The following CHN2 variants were observed in gnomAD, a reference collection of about 807,000 sequenced individuals.
CHN2 encodes chimerin 2, also known as beta-chimaerin.
CHN2 carries 35 observed loss-of-function variants against 56.3 expected under a neutral mutation model. The ratio of observed to expected loss-of-function variants is 0.62; its 90% confidence interval spans 0.47 to 0.82. The LOEUF is 0.82. Ranked by LOEUF, CHN2 falls within the 40% of genes least tolerant of loss-of-function variation. The probability of loss-of-function intolerance (pLI) is 0.00; values close to 1 mark genes in which losing one functional copy is unlikely to be tolerated. For synonymous variants in CHN2, 210 were observed against 212.8 expected (o/e 0.99, Z 0.12); for missense variants, 491 against 580.5 (o/e 0.85, Z 1.58).
At chr7:29,187,735 TAAAAATA>T (rs747116867) in intron 2 of CHN2, among the ~76,000 whole-genome samples, 2 of 151,526 alleles carry the variant, frequency 1.3e-5, no homozygotes, top group Non-Finnish European at 2.9e-5. Flanking sequence ...TCTCAAAAAA[TAAAAATA>T]AAAAATAAAA....
chr7:29,379,226 C>T (rs1275611582), intron 3 of CHN2, among the ~76,000 whole-genome samples: 1 of 152,200 alleles, frequency 6.6e-6, no homozygotes, highest in East Asian at 1.9e-4. Context: ...CGCAGGTGTT[C>T]TTTGACCTTC....
Position 29,248,599 on chromosome 7 carries a change from G to A in CHN2, c.49+53609G>A, listed in dbSNP as rs890778148. Among the ~76,000 whole-genome samples, 4 of 152,210 alleles carry A rather than the reference G, an allele frequency of 2.6e-5. No individual in the cohort carries two copies. In the East Asian group the frequency reaches 7.7e-4, roughly 29 times the overall value. ...ATCGTGTCATCGCACTATCCGCAGA[G>A]CTCTGGTGGTTCCCTCCCTCTTAAG... is the stretch of plus-strand genomic sequence containing the variant. On this transcript the variant is annotated intron_variant, in intron 1 of 12. Transcript: ENST00000222792.
chr7:29,398,466 A>G lies in CHN2; in HGVS notation c.270A>G (p.Gly90=), dbSNP rs1801941601. 3.7e-6 allele frequency: 6 copies of G among 1,612,028 alleles called. No individual in the cohort carries two copies. Among genetic ancestry groups the G allele is most frequent in the Non-Finnish European group, 3.4e-6 (4 of 1,178,838 alleles). ...TTAGAGAAAGCCAGCGGCAACCAGGATGCTACACGCTGGCTCTCAGGTGAG... is the reference window on the plus strand; with the variant it reads ...TTAGAGAAAGCCAGCGGCAACCAGGGTGCTACACGCTGGCTCTCAGGTGAG... ...YILRESQRQP[G]CYTLALRFGN... is the part of the protein sequence containing the mutation. Residue 90 remains glycine (G), a synonymous_variant, in exon 5 of 13, where the codon GGA becomes GGG. Transcript: ENST00000222792.
intron 1 of CHN2, among the ~76,000 whole-genome samples, chr7:29,217,356 A>AC (rs1785424962): frequency 6.6e-6 from 1 of 152,220 alleles, no homozygotes; most frequent in Non-Finnish European, 1.5e-5. Flanking sequence ...CCTTAGCTTC[A>AC]GCAGCCTATC....
intron 6 of CHN2, among the ~76,000 whole-genome samples, chr7:29,431,137 G>A (rs1782832944): frequency 6.6e-6 from 1 of 152,160 alleles, no homozygotes; most frequent in African/African-American, 2.4e-5. Context: ...AAGTGCAACT[G>A]TCCAATTAAA....
In CHN2 at chr7:29,393,728, C is replaced by A; in HGVS notation, c.176+18C>A. 1 of 799,124 alleles carries A rather than the reference C, an allele frequency of 1.3e-6. No individual in the cohort carries two copies. Among genetic ancestry groups the A allele is most frequent in the South Asian group, 1.7e-5 (1 of 59,182 alleles). 49.5% of individuals were successfully genotyped at this position (799,124 alleles called of 1,614,324 possible). A position where few individuals can be genotyped will look rare whatever the true frequency, so the allele number is the denominator to read the frequency against. On this transcript the variant is annotated intron_variant, in intron 4 of 12. Transcript: ENST00000222792. ...GGAAGAGAGTATGTATTATACTATTCTTTGTTTTAATAATTTAATAAGTAG... is the reference window on the plus strand; with the variant it reads ...GGAAGAGAGTATGTATTATACTATTATTTGTTTTAATAATTTAATAAGTAG...
chr7:29,147,655 G>T (rs868296334), intron 2 of CHN2, among the ~76,000 whole-genome samples: 14 of 152,238 alleles, frequency 9.2e-5, no homozygotes, highest in South Asian at 6.2e-4. Flanking sequence ...CCATATGGAA[G>T]TACTTCCTAC....
At chr7:29,297,343 A>G (rs1793250312) in intron 1 of CHN2, among the ~76,000 whole-genome samples, 1 of 152,176 alleles carries the variant, frequency 6.6e-6, no homozygotes, top group South Asian at 2.1e-4. Context: ...GAAGAAGTCC[A>G]TCTGACTGCA....
intron 11 of CHN2, 106 bp downstream of exon 11, chr7:29,507,471 C>T (rs1790710331): frequency 1.2e-6 from 1 of 859,558 alleles, no homozygotes; most frequent in Non-Finnish European, 1.8e-6. Context: ...TGCATTTGTG[C>T]CTGTCTTGTC....
chr7:29,296,631 C>T (rs927827172), intron 1 of CHN2, among the ~76,000 whole-genome samples: 4 of 152,138 alleles, frequency 2.6e-5, no homozygotes, highest in African/African-American at 9.7e-5. Flanking sequence ...TTAGCTTTGG[C>T]CTTGAAGGTA....
chr7:29,366,971 T>C (rs1245553195), intron 2 of CHN2, among the ~76,000 whole-genome samples: 1 of 152,238 alleles, frequency 6.6e-6, no homozygotes, highest in African/African-American at 2.4e-5. Flanking sequence ...TCTTATTACA[T>C]TTTCTAGAAA....
At chr7:29,327,446 T>C (rs1795894491) in intron 1 of CHN2, among the ~76,000 whole-genome samples, 1 of 152,196 alleles carries the variant, frequency 6.6e-6, no homozygotes, top group East Asian at 1.9e-4. Flanking sequence ...TGCCGAAACT[T>C]CTAGTTTTCT....
chr7:29,209,632 G>T (rs533437864), intron 1 of CHN2, among the ~76,000 whole-genome samples: 1 of 152,164 alleles, frequency 6.6e-6, no homozygotes, highest in Admixed American at 6.6e-5. Flanking sequence ...ACATCCCTGC[G>T]CCTGATGTAA....
rs551796901 is a variant in CHN2, at chr7:29,471,889, T to C, written c.577-8390T>C. Among the ~76,000 whole-genome samples, 4 of 152,298 alleles carry C rather than the reference T, an allele frequency of 2.6e-5. No homozygotes were observed. The East Asian group carries it at 7.7e-4, about 29-fold the overall frequency. ...GCAGGTCCCACCCTGATCTTTCTCA[T>C]TTCTTTGGCGCCATGGCAATGTGTT... On this transcript the variant is annotated intron_variant, in intron 6 of 12. Transcript: ENST00000222792.
chr7:29,455,465 G>A (rs962873811), intron 6 of CHN2, among the ~76,000 whole-genome samples: 1 of 152,148 alleles, frequency 6.6e-6, no homozygotes, highest in Non-Finnish European at 1.5e-5. Context: ...CTGCCACCCA[G>A]GTGGCAGAAC....
chr7:29,294,828 C>G (rs186097962), intron 1 of CHN2, among the ~76,000 whole-genome samples: 1 of 152,328 alleles, frequency 6.6e-6, no homozygotes, highest in Admixed American at 6.5e-5. Context: ...TTTATGCTTG[C>G]TGAAATTCCA....
chr7:29,339,723 C>T (rs958356208), intron 1 of CHN2, among the ~76,000 whole-genome samples: 3 of 151,910 alleles, frequency 2.0e-5, no homozygotes, highest in African/African-American at 7.3e-5. Context: ...CATGATGGCA[C>T]GTGCCTGCAA....
At chr7:29,157,774 C>A (rs1297771423) in intron 2 of CHN2, among the ~76,000 whole-genome samples, 2 of 151,916 alleles carry the variant, frequency 1.3e-5, no homozygotes, top group Non-Finnish European at 2.9e-5. Flanking sequence ...TCTGCCAGAA[C>A]AAATTAGTCA....
intron 1 of CHN2, among the ~76,000 whole-genome samples, chr7:29,346,877 C>T (rs1445536034): frequency 3.3e-5 from 5 of 152,210 alleles, no homozygotes; most frequent in Non-Finnish European, 7.3e-5. Flanking sequence ...TTCCTTTACA[C>T]TTGCTCCTCA....
Sources: gnomAD v4.1 joint callset for allele counts (sites outside exome capture counted in the v4.1 genomes callset) on GRCh38, gnomAD v4.1.1 for gene constraint, MANE v1.5 for transcripts, NCBI Gene and HGNC (gene_info 2026-07-23, HGNC 2026-07-21) for gene names.